GALNT13: variants seen among roughly 807,000 people sequenced by gnomAD.
GALNT13 encodes the protein UDP-GalNAc:polypeptide N-acetylgalactosaminyltransferase 13.
GALNT13 carries 28 observed loss-of-function variants against 64.2 expected under a neutral mutation model. The observed-to-expected ratio is 0.44, with a 90% CI of 0.32 to 0.60. The LOEUF is 0.60. Among genes scored for constraint, GALNT13 ranks in the 20% least tolerant of loss-of-function variants. The probability of loss-of-function intolerance (pLI) is 0.05; values close to 1 mark genes in which losing one functional copy is unlikely to be tolerated. For synonymous variants in GALNT13, 214 were observed against 224.6 expected (o/e 0.95, Z 0.42); for missense variants, 577 against 669.8 (o/e 0.86, Z 1.53).
the GALNT13 span, among the ~76,000 whole-genome samples, chr2:153,429,848 T>C: frequency 2.4e-4 from 36 of 152,146 alleles, no homozygotes; most frequent in African/African-American, 7.7e-4. Flanking sequence ...TTTGACAAAC[T>C]ATTTGACTAA....
the GALNT13 span, among the ~76,000 whole-genome samples, chr2:153,182,334 G>A: frequency 6.6e-6 from 1 of 152,222 alleles, no homozygotes; most frequent in African/African-American, 2.4e-5. Context: ...GTGAGCCACA[G>A]TGCCCGGCTG....
At chr2:153,369,835 G>C in the GALNT13 span, among the ~76,000 whole-genome samples, 2 of 152,126 alleles carry the variant, frequency 1.3e-5, no homozygotes, top group South Asian at 4.1e-4. Context: ...CTTGGAAGTG[G>C]ATCACCTTCC....
chr2:154,438,726 G>A lies in GALNT13; in HGVS notation c.1530G>A (p.Glu510=). ...ATCAGTTATGGGAATATGATGCTGA[G>A]GTATAGTATTTTCTTAATTTACTTA... is the stretch of plus-strand genomic sequence containing the variant. ...RGNQLWEYDA[E]RLTLRHVNSN... Residue 510 remains glutamate, a splice_region_variant and synonymous_variant, in exon 12 of 13, where the codon GAG becomes GAA. Coordinates refer to ENST00000392825, the MANE Select transcript of GALNT13 (RefSeq NM_052917.4). The A allele has an allele frequency of 1.3e-6, 2 of 1,595,198 alleles. No homozygotes were observed. The highest frequency in any genetic ancestry group is 1.7e-6 in the Non-Finnish European group (2 of 1,169,566).
the GALNT13 span, among the ~76,000 whole-genome samples, chr2:153,778,480 T>C: frequency 5.3e-5 from 8 of 152,328 alleles, no homozygotes; most frequent in East Asian, 1.5e-3. Flanking sequence ...CCAGAACTTC[T>C]GTATCAACAT....
chr2:153,326,253 A>C, the GALNT13 span, among the ~76,000 whole-genome samples: 1 of 144,882 alleles, frequency 6.9e-6, no homozygotes, highest in Non-Finnish European at 1.5e-5. Flanking sequence ...GTCTTTTCGG[A>C]TCTTTGTTGG....
chr2:153,566,355 T>TTTTG, the GALNT13 span, among the ~76,000 whole-genome samples: 400 of 68,236 alleles, frequency 5.9e-3, 5 homozygotes, highest in African/African-American at 0.017. Context: ...CACGTTTTTT[T>TTTTG]TTTTTTTTTT....
the GALNT13 span, among the ~76,000 whole-genome samples, chr2:153,164,139 A>G: frequency 6.6e-6 from 1 of 151,788 alleles, no homozygotes; most frequent in Non-Finnish European, 1.5e-5. Context: ...TTTCTTATTT[A>G]TTTTATTTTT....
chr2:153,384,392 G>T, the GALNT13 span, among the ~76,000 whole-genome samples: 1 of 151,998 alleles, frequency 6.6e-6, no homozygotes, highest in Non-Finnish European at 1.5e-5. Flanking sequence ...TGAAGAAAGG[G>T]ACTACCCTTA....
chr2:153,431,789 A>T, the GALNT13 span, among the ~76,000 whole-genome samples: 12 of 152,234 alleles, frequency 7.9e-5, no homozygotes, highest in Non-Finnish European at 1.3e-4. Context: ...TTCACACAGA[A>T]TGGCTATAAA....
At chr2:153,694,527 T>C in the GALNT13 span, among the ~76,000 whole-genome samples, 1 of 152,186 alleles carries the variant, frequency 6.6e-6, no homozygotes, top group South Asian at 2.1e-4. Context: ...ATATGTATGA[T>C]TCAATTTTCA....
At chr2:154,393,024 TA>T (rs1698869594) in intron 9 of GALNT13, among the ~76,000 whole-genome samples, 1 of 152,214 alleles carries the variant, frequency 6.6e-6, no homozygotes, top group Non-Finnish European at 1.5e-5. Context: ...ATATTTGTGC[TA>T]GATACTGAAA....
At chr2:153,293,421 T>G in the GALNT13 span, among the ~76,000 whole-genome samples, 1 of 151,920 alleles carries the variant, frequency 6.6e-6, no homozygotes, top group Non-Finnish European at 1.5e-5. Context: ...GGGGGAGATT[T>G]GAAGATGCTA....
At chr2:153,873,142 G>A (rs1382587820) in intron 1 of GALNT13, among the ~76,000 whole-genome samples, 1 of 152,178 alleles carries the variant, frequency 6.6e-6, no homozygotes, top group Non-Finnish European at 1.5e-5. Context: ...AAGCGCCTTG[G>A]TTAGGGGAGC....
At chr2:153,582,137 T>C in the GALNT13 span, among the ~76,000 whole-genome samples, 25 of 152,164 alleles carry the variant, frequency 1.6e-4, no homozygotes, top group African/African-American at 5.1e-4. Flanking sequence ...TTTCTGGATA[T>C]TTACCAAAAT....
the GALNT13 span, among the ~76,000 whole-genome samples, chr2:153,766,083 C>T: frequency 3.9e-5 from 6 of 151,988 alleles, no homozygotes; most frequent in South Asian, 2.1e-4. Context: ...TTTATCTGGA[C>T]GTCTTTATTT....
chr2:153,352,643 G>T, the GALNT13 span, among the ~76,000 whole-genome samples: 1 of 151,730 alleles, frequency 6.6e-6, no homozygotes, highest in Non-Finnish European at 1.5e-5. Context: ...AAGGTTATAA[G>T]GTCTGCATCT....
chr2:154,427,221 A>C (rs1208660849), intron 11 of GALNT13, among the ~76,000 whole-genome samples: 1 of 152,028 alleles, frequency 6.6e-6, no homozygotes, highest in Non-Finnish European at 1.5e-5. Context: ...TTTGACAAAG[A>C]CTCCCAGTAA....
the GALNT13 span, among the ~76,000 whole-genome samples, chr2:153,634,880 A>G: frequency 6.6e-6 from 1 of 151,028 alleles, no homozygotes; most frequent in Non-Finnish European, 1.5e-5. Context: ...ATTACACACT[A>G]AGCACTGCTA....
chr2:153,290,066 T>A, the GALNT13 span, among the ~76,000 whole-genome samples: 1 of 152,206 alleles, frequency 6.6e-6, no homozygotes, highest in Non-Finnish European at 1.5e-5. Context: ...TAAAGAAATA[T>A]CTATCCTTGC....
Sources: gnomAD v4.1 joint callset for allele counts (sites outside exome capture counted in the v4.1 genomes callset) on GRCh38, gnomAD v4.1.1 for gene constraint, MANE v1.5 for transcripts, NCBI Gene and HGNC (gene_info 2026-07-23, HGNC 2026-07-21) for gene names.